GLS: variants seen among roughly 807,000 people sequenced by gnomAD.
GLS encodes glutaminase kidney isoform, mitochondrial.
GLS carries 36 observed loss-of-function variants against 86.7 expected under a neutral mutation model. The observed-to-expected ratio is 0.42, with a 90% CI of 0.32 to 0.55. The LOEUF (loss-of-function observed/expected upper bound fraction) is 0.55. Ranked by LOEUF, GLS falls within the 20% of genes least tolerant of loss-of-function variation. The pLI is 0.17. For missense variants in GLS, 528 were observed against 833.4 expected (o/e 0.63, Z 4.51); for synonymous variants, 317 against 305.9 (o/e 1.04, Z -0.38).
At chr2:190,933,809 C>T (rs965024546) in intron 14 of GLS, 7 of 651,124 alleles carry the variant, frequency 1.1e-5, no homozygotes, top group Non-Finnish European at 1.3e-5. Context: ...TAAGTTATAG[C>T]ATCTCATAAA....
chr2:190,943,317 T>G lies in GLS; in HGVS notation c.1651-10248T>G, dbSNP rs963521401. ...TGAGTGGTCAGTATGAAGAGTAGTATTTGAAGCTGGGGTGGTGTGTGAGAT... is the reference window on the plus strand; with the variant it reads ...TGAGTGGTCAGTATGAAGAGTAGTAGTTGAAGCTGGGGTGGTGTGTGAGAT... On this transcript the variant is annotated intron_variant, in intron 14 of 17. Coordinates refer to ENST00000320717, the MANE Select transcript of GLS (RefSeq NM_014905.5). This position sits in a 1 kb window ranked among gnomAD's most constrained non-coding sequence, Gnocchi z 4.5. Among the ~76,000 whole-genome samples, 1 of 152,154 alleles carries G rather than the reference T, an allele frequency of 6.6e-6. No individual in the cohort carries two copies. Among genetic ancestry groups the G allele is most frequent in the African/African-American group, 2.4e-5 (1 of 41,434 alleles).
At chr2:190,907,470 G>C (rs1327724159) in intron 6 of GLS, among the ~76,000 whole-genome samples, 2 of 150,398 alleles carry the variant, frequency 1.3e-5, no homozygotes, top group African/African-American at 2.5e-5. Flanking sequence ...TGGTCAGGCT[G>C]GTCGCGAACT....
chr2:190,890,195 T>C (rs1640218489), intron 1 of GLS, among the ~76,000 whole-genome samples: 1 of 152,100 alleles, frequency 6.6e-6, no homozygotes, highest in Admixed American at 6.6e-5. Context: ...TTTTCTTTCT[T>C]TTTTTAGAAA....
Position 190,895,360 on chromosome 2 carries a change from C to A in GLS, c.483+112C>A. The A allele has an allele frequency of 1.8e-6, 1 of 546,398 alleles. No individual in the cohort carries two copies. Among genetic ancestry groups the A allele is most frequent in the Non-Finnish European group, 3.2e-6 (1 of 307,720 alleles). The allele number at this position is 546,398 out of a possible 1,614,324, so 33.8% of individuals were successfully genotyped here. A position where few individuals can be genotyped will look rare whatever the true frequency, so the allele number is the denominator to read the frequency against. ...CGTCTGACATGTAGATTCTGACTGA[C>A]AATATTTCTCTTATTATGTTTTCAA... On this transcript the variant is annotated intron_variant, in intron 2 of 17. Coordinates refer to ENST00000320717, the MANE Select transcript of GLS (RefSeq NM_014905.5). This position sits in a 1 kb window ranked among gnomAD's most constrained non-coding sequence, Gnocchi z 4.2.
rs367561630 is a variant in GLS at position 190,944,995 on chromosome 2, AC to A, written c.1651-8569del. Among the ~76,000 whole-genome samples the A allele has an allele frequency of 7.9e-5, 12 of 152,252 alleles. No homozygotes were observed. The South Asian group carries it at 1.2e-3, about 16-fold the overall frequency. On this transcript the variant is annotated intron_variant, in intron 14 of 17. Coordinates refer to ENST00000320717, the MANE Select transcript of GLS (RefSeq NM_014905.5). ...TGTTGCTATTTTCTGATTTCCTATCACAACATATTTCTGTCTTGGTATTGTA... is the reference window on the plus strand; with the variant it reads ...TGTTGCTATTTTCTGATTTCCTATCAAACATATTTCTGTCTTGGTATTGTA...
intron 14 of GLS, among the ~76,000 whole-genome samples, chr2:190,939,021 G>A (rs1424018061): frequency 6.6e-6 from 1 of 151,564 alleles, no homozygotes; most frequent in African/African-American, 2.4e-5. Context: ...TAAGTAAAAC[G>A]ATTTTAAATA....
At chr2:190,939,562 T>A (rs995382826) in intron 14 of GLS, among the ~76,000 whole-genome samples, 2 of 151,766 alleles carry the variant, frequency 1.3e-5, no homozygotes, top group Non-Finnish European at 3.0e-5. Context: ...ATTGTAAAAT[T>A]CAACTTTCAA....
chr2:190,957,626 T>A (rs2124953968), intron 17 of GLS, among the ~76,000 whole-genome samples: 1 of 152,238 alleles, frequency 6.6e-6, no homozygotes, highest in East Asian at 1.9e-4. Context: ...GAAGGTGTGT[T>A]GGATTTTGTC....
intron 17 of GLS, among the ~76,000 whole-genome samples, chr2:190,959,864 TTTG>T (rs2124957298): frequency 6.6e-6 from 1 of 151,960 alleles, no homozygotes; most frequent in East Asian, 1.9e-4. Context: ...TATATTGGAG[TTTG>T]TTGAAATTTC....
intron 7 of GLS, among the ~76,000 whole-genome samples, chr2:190,918,609 T>A (rs1159492354): frequency 6.6e-6 from 1 of 152,170 alleles, no homozygotes; most frequent in Non-Finnish European, 1.5e-5. Flanking sequence ...TTAATTTCCT[T>A]CAAGAACTTC....
chr2:190,931,716 T>A lies in GLS; in HGVS notation c.1650+79T>A, dbSNP rs143912030. The A allele has an allele frequency of 2.9e-3, 1,956 of 666,390 alleles. 69 individuals carry two copies. In the Admixed American group the frequency reaches 0.046, roughly 16 times the overall value. 41.3% of individuals were successfully genotyped at this position (666,390 alleles called of 1,614,324 possible). On this transcript the variant is annotated intron_variant, in intron 14 of 17. Transcript: ENST00000320717. ...GTGAGATTTGCCTGTATAAATAAAA[T>A]CTTAGTTTGTTAGTGGCCTCGGGTC...
At chr2:190,894,847 C>G (rs1688675361) in intron 1 of GLS, among the ~76,000 whole-genome samples, 1 of 152,116 alleles carries the variant, frequency 6.6e-6, no homozygotes, top group Admixed American at 6.5e-5. Context: ...GGTGATTGTA[C>G]TGGGGTGTAT....
rs1439404519 is a variant in GLS, at chr2:190,930,239, G to A, written c.1426-198G>A. Among the ~76,000 whole-genome samples, 1 of 151,740 alleles carries A rather than the reference G, an allele frequency of 6.6e-6. No individual in the cohort carries two copies. The highest frequency in any genetic ancestry group is 1.5e-5 in the Non-Finnish European group (1 of 67,936). The stretch of plus-strand genomic sequence containing the variant: ...GCACTTCCATGTCTCACTGTTTTTT[G>A]TAGAGACGAGATCTCCCTGTGTTAC... On this transcript the variant is annotated intron_variant, in intron 12 of 17. Transcript: ENST00000320717. The surrounding 1 kb of genome is among the most constrained non-coding windows in gnomAD (Gnocchi z 5.0).
At chr2:190,933,639 A>G in intron 14 of GLS, 1 of 954,264 alleles carries the variant, frequency 1.0e-6, no homozygotes, top group Non-Finnish European at 1.2e-6. Flanking sequence ...AAGGAGAAAC[A>G]GTGAGTGTCT....
rs1160113185 is a variant in GLS at position 190,895,813 on chromosome 2, A to G, written c.605+88A>G. ...AAACAAAATTGCATCTTTGAAGGCC[A>G]CTGCTTCCTGTGTAATGGAAAAAGG... On this transcript the variant is annotated intron_variant, in intron 3 of 17. Transcript: ENST00000320717. The surrounding 1 kb of genome is among the most constrained non-coding windows in gnomAD (Gnocchi z 4.2). 2 of 955,198 alleles carry G rather than the reference A, an allele frequency of 2.1e-6. No individual in the cohort carries two copies. The highest frequency in any genetic ancestry group is 3.1e-6 in the Non-Finnish European group (2 of 640,214). 59.2% of individuals were successfully genotyped at this position (955,198 alleles called of 1,614,324 possible).
Position 190,965,334 on chromosome 2 carries a change from G to A in GLS, c.*2348G>A, listed in dbSNP as rs1691096659. On this transcript the variant is annotated 3_prime_UTR_variant, in exon 18 of 18. Transcript: ENST00000320717. This position sits in a 1 kb window ranked among gnomAD's most constrained non-coding sequence, Gnocchi z 5.0. ...GATTAGCTGTTGACCATTTGATGCT[G>A]TTGTCTGTCTGGCAGGGACTGAATG... 1 of 152,602 alleles carries A rather than the reference G, an allele frequency of 6.6e-6. No homozygotes were observed. Among genetic ancestry groups the A allele is most frequent in the Non-Finnish European group, 1.5e-5 (1 of 68,042 alleles). 9.5% of individuals were successfully genotyped at this position (152,602 alleles called of 1,614,324 possible).
chr2:190,948,919 C>T (rs1690646363), intron 14 of GLS, among the ~76,000 whole-genome samples: 1 of 152,074 alleles, frequency 6.6e-6, no homozygotes, highest in African/African-American at 2.4e-5. Context: ...ATCTAATTGA[C>T]TCTGTCCCTA....
intron 17 of GLS, among the ~76,000 whole-genome samples, chr2:190,959,645 G>A (rs1690952678): frequency 6.6e-6 from 1 of 152,138 alleles, no homozygotes; most frequent in African/African-American, 2.4e-5. Context: ...AACACTGAAT[G>A]TTCTCTCTTA....
At chr2:190,952,038 C>T (rs1690731434) in intron 14 of GLS, among the ~76,000 whole-genome samples, 1 of 152,170 alleles carries the variant, frequency 6.6e-6, no homozygotes, top group Non-Finnish European at 1.5e-5. Flanking sequence ...GACCCCATCT[C>T]TATAAAAAAC....
Sources: allele counts gnomAD v4.1 joint callset (sites outside exome capture counted in the v4.1 genomes callset), GRCh38; gene constraint gnomAD v4.1.1; non-coding constraint Gnocchi (gnomAD v3.1); transcripts MANE v1.5; gene names NCBI Gene and HGNC (gene_info 2026-07-23, HGNC 2026-07-21).